Variants in ABHD1 observed in about 807,000 individuals in gnomAD.
ABHD1 encodes the protein abhydrolase domain containing 1.
ABHD1 carries 47 observed loss-of-function variants against 41.4 expected under a neutral mutation model. The ratio of observed to expected loss-of-function variants is 1.13; its 90% CI spans 0.90 to 1.45. ABHD1 has a LOEUF of 1.45. Ranked by LOEUF, ABHD1 falls within the 40% of genes most tolerant of loss-of-function variation. The pLI is 0.00. For missense variants in ABHD1, 550 were observed against 503.4 expected, an observed-to-expected ratio of 1.09 and a Z score of -0.89; for synonymous variants, 205 against 203.7, an observed-to-expected ratio of 1.01 and a Z score of -0.05.
Position 27,128,596 on chromosome 2 carries a change from T to A in ABHD1, c.270T>A (p.Tyr90Ter). 1.2e-6 allele frequency: 2 copies of A among 1,614,066 alleles called. No individual in the cohort carries two copies. Among genetic ancestry groups the A allele is most frequent in the Non-Finnish European group, 1.7e-6 (2 of 1,180,002 alleles). ...VLLQSQPLVL[Y>*]QSDILQTPDG... ...TGCAGTCTCAGCCCCTAGTCCTTTA[T>A]CAGAGGTAAGAAGGGACAGAACAGG... The change falls in exon 2 of 9, where the codon TAT becomes TAA. Residue 90 changes from tyrosine (Y) to a stop codon, truncating the protein, a stop_gained. Transcript: ENST00000316470. LOFTEE classifies it high-confidence loss of function.
chr2:27,130,290 G>T lies in ABHD1; in HGVS notation c.880G>T (p.Val294Leu). The T allele has an allele frequency of 1.2e-6, 2 of 1,614,114 alleles. No individual in the cohort carries two copies. The highest frequency in any genetic ancestry group is 1.7e-6 in the Non-Finnish European group (2 of 1,180,020). The change falls in exon 8 of 9, where the codon GTG (valine) becomes TTG (leucine). Residue 294 changes from valine to leucine, a missense_variant. Physicochemically the swap from Val to Leu is conservative, Grantham distance 32. Transcript: ENST00000316470. Reference sequence around the variant, plus strand: ...CCAGTTTGATGAGCGCTACACATCTGTGGCCTTTGGATATCAAGACTGTGT... The same window carrying T: ...CCAGTTTGATGAGCGCTACACATCTTTGGCCTTTGGATATCAAGACTGTGT... ...IRQFDERYTS[V>L]AFGYQDCVTY... is the part of the protein sequence containing the mutation.
chr2:27,130,495 G>C (rs750301009), intron 8 of ABHD1, 38 bp from the exon 9 acceptor site: 75 of 1,611,584 alleles, frequency 4.7e-5, no homozygotes, highest in Non-Finnish European at 6.2e-5. Flanking sequence ...TGGGCTCCCA[G>C]TGAAGGCCAG....
chr2:27,128,436 TAC>T lies in ABHD1; in HGVS notation c.115-3_115-2del. 1 of 1,613,914 alleles carries T rather than the reference TAC, an allele frequency of 6.2e-7. No individual in the cohort carries two copies. The highest frequency in any genetic ancestry group is 8.5e-7 in the Non-Finnish European group (1 of 1,180,002). ...GAAGTGGGGCAGACTGCTGTGTGATTACAGAGGCCTCGGCTGGTGGCTGGGCC... is the reference window on the plus strand; with the variant it reads ...GAAGTGGGGCAGACTGCTGTGTGATTAGAGGCCTCGGCTGGTGGCTGGGCC... On this transcript the variant is annotated splice_region_variant and splice_polypyrimidine_tract_variant and intron_variant, in intron 1 of 8. Coordinates refer to ENST00000316470, the MANE Select transcript of ABHD1 (RefSeq NM_032604.4).
chr2:27,130,694 G>A lies in ABHD1; in HGVS notation c.1168G>A (p.Gly390Arg), dbSNP rs181070882. Reference sequence around the variant, plus strand: ...CAAAGCCATCTTCCAGGACCCAGAGGGGCTGCCTGACCTCAGGGCTCTCTT... The same window carrying A: ...CAAAGCCATCTTCCAGGACCCAGAGAGGCTGCCTGACCTCAGGGCTCTCTT... ...YAKAIFQDPE[G>R]LPDLRALLPS... Residue 390 changes from glycine to arginine, a missense_variant, in exon 9 of 9, where the codon GGG (glycine) becomes AGG (arginine). Gly to Arg is a moderately radical substitution (Grantham distance 125). Coordinates refer to ENST00000316470, the MANE Select transcript of ABHD1 (RefSeq NM_032604.4). The A allele has an allele frequency of 2.5e-6, 4 of 1,614,186 alleles. No individual in the cohort carries two copies. The Admixed American group carries it at 5.0e-5, about 20-fold the overall frequency.
In ABHD1 at chr2:27,123,932, G is replaced by A; in HGVS notation, c.-17G>A. The A allele has an allele frequency of 6.2e-7, 1 of 1,610,896 alleles. No individual in the cohort carries two copies. The highest frequency in any genetic ancestry group is 8.5e-7 in the Non-Finnish European group (1 of 1,177,066). ...GGGCCAGCCAGGAGCCTGAGGGTCGGAAGCCCCCAACACAAGATGCTGAGC... is the reference window on the plus strand; with the variant it reads ...GGGCCAGCCAGGAGCCTGAGGGTCGAAAGCCCCCAACACAAGATGCTGAGC... On this transcript the variant is annotated 5_prime_UTR_variant, in exon 1 of 9. Coordinates refer to ENST00000316470, the MANE Select transcript of ABHD1 (RefSeq NM_032604.4).
At chr2:27,129,682 A>G in intron 5 of ABHD1, 56 bp downstream of exon 5, 2 of 1,609,548 alleles carry the variant, frequency 1.2e-6, no homozygotes, top group South Asian at 1.1e-5. Flanking sequence ...TTCCTCCTCC[A>G]TGTCCCCTTC....
chr2:27,128,608 A>C lies in ABHD1; in HGVS notation c.275+7A>C, dbSNP rs765078087. 2 of 1,614,102 alleles carry C rather than the reference A, an allele frequency of 1.2e-6. No individual in the cohort carries two copies. The highest frequency in any genetic ancestry group is 1.1e-5 in the South Asian group (1 of 91,084). ...CCCTAGTCCTTTATCAGAGGTAAGA[A>C]GGGACAGAACAGGGTGAACATGAAA... On this transcript the variant is annotated splice_region_variant and intron_variant, in intron 2 of 8. Coordinates refer to ENST00000316470, the MANE Select transcript of ABHD1 (RefSeq NM_032604.4).
intron 3 of ABHD1, 89 bp from the exon 4 acceptor site, chr2:27,129,227 G>A: frequency 6.3e-7 from 1 of 1,598,994 alleles, no homozygotes; most frequent in East Asian, 2.2e-5. Flanking sequence ...GCTACACAAA[G>A]GGAGTCTTTG....
rs1558475860 is a variant in ABHD1 at position 27,129,895 on chromosome 2, CCT to C, written c.761_762del (p.Leu254HisfsTer16). The C allele has an allele frequency of 7.4e-6, 12 of 1,614,066 alleles. No homozygotes were observed. The highest frequency in any genetic ancestry group is 9.3e-6 in the Non-Finnish European group (11 of 1,180,034). ...TCAACTCACTGCTCTTCAATCAGCC[CCT>C]CACTGCTGGGCTCTGCCAACTTGTG... The part of the protein sequence containing the change: ...PLNSLLFNQP[L>X]TAGLCQLVER... On this transcript the variant is annotated frameshift_variant, in exon 6 of 9. Coordinates refer to ENST00000316470, the MANE Select transcript of ABHD1 (RefSeq NM_032604.4). LOFTEE classifies it high-confidence loss of function.
chr2:27,128,487 C>A lies in ABHD1; in HGVS notation c.161C>A (p.Pro54Gln), dbSNP rs34127901. The A allele has an allele frequency of 2.6e-3, 4,149 of 1,605,952 alleles. 101 individuals carry two copies. In the African/African-American group the frequency reaches 0.053, roughly 20 times the overall value. The change falls in exon 2 of 9, where the codon CCA (proline) becomes CAA (glutamine). Residue 54 changes from proline to glutamine, a missense_variant. Pro to Gln is a moderately conservative substitution (Grantham distance 76). Coordinates refer to ENST00000316470, the MANE Select transcript of ABHD1 (RefSeq NM_032604.4). ...AGPQFLAFLE[P>Q]HCSITTETFY... Reference sequence around the variant, plus strand: ...CCGCAGTTTCTGGCCTTCCTGGAGCCACACTGTTCCATCACCACCGAGACT... The same window carrying A: ...CCGCAGTTTCTGGCCTTCCTGGAGCAACACTGTTCCATCACCACCGAGACT...
At chr2:27,124,169 A>G in intron 1 of ABHD1, 107 bp downstream of exon 1, 3 of 1,038,152 alleles carry the variant, frequency 2.9e-6, no homozygotes, top group Non-Finnish European at 4.5e-6. Context: ...GCTTCCCCAC[A>G]GGTGAAATTT....
At position 27,127,236 on chromosome 2, in the gene ABHD1, CTTTTTTTTT is replaced by C. The variant is rs61505752; in HGVS notation, c.115-1187_115-1179del. Among the ~76,000 whole-genome samples, 12 of 82,712 alleles carry C rather than the reference CTTTTTTTTT, an allele frequency of 1.5e-4. No homozygotes were observed. In the South Asian group the frequency reaches 1.5e-3, roughly 10 times the overall value. The allele number at this position is 82,712 out of a possible 152,430, so 54.3% of individuals were successfully genotyped here. ...TAGGAAGAAGACAGTGTAGCTTCAT[CTTTTTTTTT>C]TTTTTTTTTTTTTTTTTAAGACGGT... On this transcript the variant is annotated intron_variant, in intron 1 of 8. Transcript: ENST00000316470.
At chr2:27,128,328 G>A (rs1277374577) in intron 1 of ABHD1, 113 bp from the exon 2 acceptor site, 2 of 1,287,078 alleles carry the variant, frequency 1.6e-6, no homozygotes, top group East Asian at 2.3e-5. Context: ...AGACAAAGCA[G>A]GGTCCTCCAG....
intron 3 of ABHD1, 28 bp downstream of exon 3, chr2:27,129,155 G>A (rs1349282580): frequency 2.5e-6 from 4 of 1,604,908 alleles, no homozygotes; most frequent in Non-Finnish European, 2.6e-6. Context: ...CCCAGAGTGG[G>A]GTGGCATCTG....
intron 4 of ABHD1, 32 bp downstream of exon 4, chr2:27,129,393 C>T: frequency 6.2e-7 from 1 of 1,613,846 alleles, no homozygotes; most frequent in South Asian, 1.1e-5. Flanking sequence ...AGCAGCCCTT[C>T]ACCCACTCCC....
intron 1 of ABHD1, chr2:27,125,778 G>T (rs989625835): frequency 6.6e-6 from 1 of 151,906 alleles, no homozygotes; most frequent in African/African-American, 2.4e-5. Flanking sequence ...ACGCAAGCCT[G>T]TCATCCCAGC....
chr2:27,129,785 A>C lies in ABHD1; in HGVS notation c.649A>C (p.Arg217=). 1 of 1,614,192 alleles carries C rather than the reference A, an allele frequency of 6.2e-7. No individual in the cohort carries two copies. Among genetic ancestry groups the C allele is most frequent in the Non-Finnish European group, 8.5e-7 (1 of 1,180,018 alleles). ...GGTGCTGAATCACCTGGCACAGGCC[A>C]GGCAGGCTGCAGGGCTGGTGGCAGC... The part of the protein sequence containing the change: ...ILVLNHLAQA[R]QAAGLVAALT... Residue 217 remains arginine (R), a synonymous_variant, in exon 6 of 9, where the codon AGG becomes CGG. Coordinates refer to ENST00000316470, the MANE Select transcript of ABHD1 (RefSeq NM_032604.4).
At position 27,130,767 on chromosome 2, in the gene ABHD1, A is replaced by G; in HGVS notation, c.*23A>G. 1 of 1,605,658 alleles carries G rather than the reference A, an allele frequency of 6.2e-7. No individual in the cohort carries two copies. The highest frequency in any genetic ancestry group is 8.5e-7 in the Non-Finnish European group (1 of 1,172,530). The stretch of plus-strand genomic sequence containing the variant: ...TGACAAGAGTACCATTTGGGGTCTC[A>G]GTTCACTCTTTCCTTGTTTATTAAA... On this transcript the variant is annotated 3_prime_UTR_variant, in exon 9 of 9. Transcript: ENST00000316470.
intron 8 of ABHD1, 33 bp from the exon 9 acceptor site, chr2:27,130,500 G>T (rs561656763): frequency 6.2e-7 from 1 of 1,611,776 alleles, no homozygotes; most frequent in African/African-American, 1.3e-5. Flanking sequence ...TCCCAGTGAA[G>T]GCCAGTGTTT....
Sources: gnomAD v4.1 joint callset for allele counts (sites outside exome capture counted in the v4.1 genomes callset) on GRCh38, gnomAD v4.1.1 for gene constraint, MANE v1.5 for transcripts, NCBI Gene and HGNC (gene_info 2026-07-23, HGNC 2026-07-21) for gene names.